ALK: variants seen among roughly 807,000 people sequenced by gnomAD.
ALK encodes ALK receptor tyrosine kinase, also known as ALK tyrosine kinase receptor.
ALK carries 74 observed loss-of-function variants against 163.1 expected under a neutral mutation model. The observed-to-expected ratio is 0.45, with a 90% confidence interval of 0.38 to 0.55. The LOEUF (loss-of-function observed/expected upper bound fraction) is 0.55. Among genes scored for constraint, ALK ranks in the 20% least tolerant of loss-of-function variants. ALK has a pLI of 0.00. For synonymous variants in ALK, 960 were observed against 843.2 expected (o/e 1.14, Z -2.40); for missense variants, 2,063 against 2,105.3 (o/e 0.98, Z 0.39).
rs1258140883 is a variant in ALK, at chr2:29,609,618, G to A, written c.953-77502C>T. On this transcript the variant is annotated intron_variant, in intron 3 of 28. Coordinates refer to ENST00000389048, the MANE Select transcript of ALK (RefSeq NM_004304.5). ...GACATGTGAGTCACCTTCACTTGGT[G>A]CTTTTTATCAACAGAACATATTTAC... Among the ~76,000 whole-genome samples, 2 of 150,942 alleles carry A rather than the reference G, an allele frequency of 1.3e-5. 1 individual carries two copies. The highest frequency in any genetic ancestry group is 1.3e-4 in the Admixed American group (2 of 15,106).
At chr2:29,864,594 A>G (rs1666378623) in intron 1 of ALK, among the ~76,000 whole-genome samples, 1 of 152,274 alleles carries the variant, frequency 6.6e-6, no homozygotes, top group Non-Finnish European at 1.5e-5. Flanking sequence ...CACATAGTCA[A>G]CAAACATTTG....
chr2:29,312,779 C>T (rs1031761639), intron 8 of ALK, among the ~76,000 whole-genome samples: 2 of 152,134 alleles, frequency 1.3e-5, no homozygotes, highest in Non-Finnish European at 2.9e-5. Context: ...GAAAACAATC[C>T]CCAGCCAGAC....
chr2:29,377,894 T>C (rs1182385417), intron 5 of ALK, among the ~76,000 whole-genome samples: 2 of 152,188 alleles, frequency 1.3e-5, no homozygotes, highest in Non-Finnish European at 2.9e-5. Flanking sequence ...TCCTCTCTAA[T>C]GAATGAATCA....
intron 2 of ALK, among the ~76,000 whole-genome samples, chr2:29,713,616 CT>C: frequency 6.6e-6 from 1 of 152,260 alleles, no homozygotes; most frequent in East Asian, 1.9e-4. Flanking sequence ...TTTGAAATAA[CT>C]TTGTGATATG....
At chr2:29,488,503 G>A (rs964805395) in intron 4 of ALK, among the ~76,000 whole-genome samples, 2 of 152,110 alleles carry the variant, frequency 1.3e-5, no homozygotes, top group African/African-American at 4.8e-5. Context: ...GCATTGGAGT[G>A]GTAGGATTGA....
intron 3 of ALK, among the ~76,000 whole-genome samples, chr2:29,580,901 TTA>T (rs1306782204): frequency 6.6e-6 from 1 of 152,194 alleles, no homozygotes; most frequent in Non-Finnish European, 1.5e-5. Context: ...TGTAGTTTCC[TTA>T]TGTCTCAGGC....
chr2:29,402,356 G>T (rs537110763), intron 4 of ALK, among the ~76,000 whole-genome samples: 1 of 152,236 alleles, frequency 6.6e-6, no homozygotes, highest in Non-Finnish European at 1.5e-5. Context: ...GTGAGCAGAT[G>T]CTTGTGCATA....
intron 2 of ALK, among the ~76,000 whole-genome samples, 177 bp downstream of exon 2, chr2:29,717,401 G>A (rs1183869778): frequency 1.3e-5 from 2 of 152,080 alleles, no homozygotes; most frequent in African/African-American, 4.8e-5. Flanking sequence ...TGGCCTGGCT[G>A]GAATGGTCCA....
chr2:29,567,725 A>G (rs1358570166), intron 3 of ALK, among the ~76,000 whole-genome samples: 2 of 152,188 alleles, frequency 1.3e-5, no homozygotes, highest in African/African-American at 4.8e-5. Flanking sequence ...AAATAAAGCA[A>G]TTATCTGGAC....
intron 4 of ALK, among the ~76,000 whole-genome samples, chr2:29,525,437 G>C (rs1023718022): frequency 6.6e-6 from 1 of 152,166 alleles, no homozygotes; most frequent in Non-Finnish European, 1.5e-5. Flanking sequence ...TCCCTGCAGA[G>C]CTTTCTAAAC....
intron 8 of ALK, among the ~76,000 whole-genome samples, chr2:29,313,346 A>G (rs1320147742): frequency 2.6e-5 from 4 of 152,178 alleles, no homozygotes; most frequent in African/African-American, 9.7e-5. Context: ...AGGCCCACCC[A>G]ATGAACAAAC....
chr2:29,528,958 C>T (rs1460757192), intron 4 of ALK, among the ~76,000 whole-genome samples: 1 of 152,190 alleles, frequency 6.6e-6, no homozygotes, highest in African/African-American at 2.4e-5. Flanking sequence ...TGCGAGACTC[C>T]AGCCAAAGCC....
Position 29,694,962 on chromosome 2 carries a change from C to T in ALK, c.840G>A (p.Leu280=), listed in dbSNP as rs2148289927. 1.2e-6 allele frequency: 2 copies of T among 1,614,134 alleles called. No homozygotes were observed. Among genetic ancestry groups the T allele is most frequent in the Non-Finnish European group, 8.5e-7 (1 of 1,179,988 alleles). ...FPCELEYSPP[L]HDLRNQSWSW... ...ACCAGCTCTGGTTCCTGAGGTCATG[C>T]AGTGGAGGGGAATACTCCAGCTCAC... The change falls in exon 3 of 29, where the codon CTG becomes CTA. Residue 280 remains leucine, a synonymous_variant. Transcript: ENST00000389048.
chr2:29,901,071 T>G (rs1185181573), intron 1 of ALK, among the ~76,000 whole-genome samples: 2 of 151,842 alleles, frequency 1.3e-5, no homozygotes, highest in African/African-American at 4.8e-5. Flanking sequence ...AAGCACAGAT[T>G]TGGAACGAGG....
chr2:29,830,713 T>TAAAAA (rs530774574), intron 1 of ALK, among the ~76,000 whole-genome samples: 29 of 28,990 alleles, frequency 1.0e-3, no homozygotes, highest in African/African-American at 2.6e-3. Context: ...TAAAATAGTT[T>TAAAAA]AAAAAAAAAA....
intron 16 of ALK, among the ~76,000 whole-genome samples, chr2:29,228,101 T>A (rs896905872): frequency 6.6e-6 from 1 of 152,168 alleles, no homozygotes; most frequent in African/African-American, 2.4e-5. Context: ...AATGAGCCCC[T>A]GTGCCCTGAG....
At chr2:29,731,255 T>C (rs560440406) in intron 1 of ALK, among the ~76,000 whole-genome samples, 60 of 152,332 alleles carry the variant, frequency 3.9e-4, no homozygotes, top group African/African-American at 1.4e-3. Context: ...CTGCTGTGTG[T>C]AGCCTCATCT....
At chr2:29,315,378 T>C (rs1401789882) in intron 8 of ALK, among the ~76,000 whole-genome samples, 1 of 152,024 alleles carries the variant, frequency 6.6e-6, no homozygotes, top group Non-Finnish European at 1.5e-5. Context: ...TTTCATATGC[T>C]CTCCCACCCG....
intron 3 of ALK, among the ~76,000 whole-genome samples, chr2:29,580,700 C>T (rs531991639): frequency 7.9e-5 from 12 of 152,312 alleles, no homozygotes; most frequent in East Asian, 5.8e-4. Flanking sequence ...AGATGTGGAG[C>T]GGAAAATTGC....
Sources: gnomAD v4.1 joint callset for allele counts (sites outside exome capture counted in the v4.1 genomes callset) on GRCh38, gnomAD v4.1.1 for gene constraint, MANE v1.5 for transcripts, NCBI Gene and HGNC (gene_info 2026-07-23, HGNC 2026-07-21) for gene names.